Variants in CRB1 observed in about 807,000 individuals in gnomAD.
The protein encoded by CRB1 is protein crumbs homolog 1.
Under a neutral mutation model 120.0 loss-of-function variants are expected in CRB1, and 83 were observed. The ratio of observed to expected loss-of-function variants is 0.69; its 90% CI spans 0.58 to 0.83. The LOEUF (loss-of-function observed/expected upper bound fraction) is 0.83, where lower values mean the gene tolerates loss of function less well. Ranked by LOEUF, CRB1 falls within the 40% of genes least tolerant of loss-of-function variation. The probability of loss-of-function intolerance (pLI) is 0.00; values close to 1 mark genes in which losing one functional copy is unlikely to be tolerated. For synonymous variants in CRB1, 625 were observed against 612.5 expected (o/e 1.02, Z -0.30); for missense variants, 1,699 against 1,687.6 (o/e 1.01, Z -0.12).
chr1:197,329,626 C>T (rs764048259), intron 2 of CRB1, among the ~76,000 whole-genome samples: 1 of 152,164 alleles, frequency 6.6e-6, no homozygotes, highest in Non-Finnish European at 1.5e-5. Context: ...CTCATCATTA[C>T]CAAGTTACAT....
the CRB1 span, among the ~76,000 whole-genome samples, chr1:197,206,189 A>G: frequency 6.6e-6 from 1 of 151,954 alleles, no homozygotes; most frequent in East Asian, 1.9e-4. Context: ...AATTTTATTC[A>G]TCTTTTCAAA....
chr1:197,291,143 C>T (rs370864417), intron 1 of CRB1, among the ~76,000 whole-genome samples: 2 of 151,766 alleles, frequency 1.3e-5, no homozygotes, highest in South Asian at 2.1e-4. Context: ...CATTTTAAAA[C>T]TTAATTAGTA....
intron 1 of CRB1, among the ~76,000 whole-genome samples, chr1:197,317,580 A>G (rs1657929552): frequency 6.6e-6 from 1 of 152,194 alleles, no homozygotes; most frequent in Non-Finnish European, 1.5e-5. Context: ...ACATCACATG[A>G]CCTGACTTCA....
the CRB1 span, among the ~76,000 whole-genome samples, chr1:197,261,141 A>T: frequency 6.6e-6 from 1 of 152,226 alleles, no homozygotes; most frequent in African/African-American, 2.4e-5. Context: ...GTTTTTTGTA[A>T]TTAATTTTTA....
chr1:197,220,616 T>C, the CRB1 span, among the ~76,000 whole-genome samples: 1 of 152,196 alleles, frequency 6.6e-6, no homozygotes, highest in Non-Finnish European at 1.5e-5. Context: ...TTTGGCAAAG[T>C]GGTAACACAG....
chr1:197,477,620 C>G, intron 11 of CRB1, 44 bp from the exon 12 acceptor site: 1 of 1,568,734 alleles, frequency 6.4e-7, no homozygotes, highest in Non-Finnish European at 8.8e-7. Flanking sequence ...TATTTATTTG[C>G]CTTTGCTATA....
At chr1:197,371,441 A>G (rs989981074) in intron 5 of CRB1, among the ~76,000 whole-genome samples, 3 of 152,044 alleles carry the variant, frequency 2.0e-5, no homozygotes, top group Admixed American at 1.3e-4. Flanking sequence ...TAAATCTTCT[A>G]TTTCTTCAAA....
the CRB1 span, among the ~76,000 whole-genome samples, chr1:197,239,635 T>C: frequency 6.6e-6 from 1 of 151,906 alleles, no homozygotes; most frequent in African/African-American, 2.4e-5. Flanking sequence ...AAATCTACTT[T>C]GTAAATCTGT....
chr1:197,207,301 T>C, the CRB1 span, among the ~76,000 whole-genome samples: 1 of 152,144 alleles, frequency 6.6e-6, no homozygotes, highest in Admixed American at 6.5e-5. Flanking sequence ...ATTGGGTTTT[T>C]ATTTTATAGG....
At position 197,316,870 on chromosome 1, in the gene CRB1, T is replaced by C. The variant is rs569699900; in HGVS notation, c.71-11552T>C. Among the ~76,000 whole-genome samples the C allele has an allele frequency of 6.3e-5, 9 of 143,512 alleles. 1 individual carries two copies. In the East Asian group the frequency reaches 1.8e-3, roughly 29 times the overall value. 94.1% of individuals were successfully genotyped at this position (143,512 alleles called of 152,430 possible). ...TTCTATACACCAATAGTGAATTGTC[T>C]GAAAAGAAAGCAAGAAAGCAATTTC... On this transcript the variant is annotated intron_variant, in intron 1 of 11. Coordinates refer to ENST00000367400, the MANE Select transcript of CRB1 (RefSeq NM_201253.3).
chr1:197,453,919 GATATTATT>G (rs1174547020), intron 11 of CRB1, among the ~76,000 whole-genome samples: 1 of 24,612 alleles, frequency 4.1e-5, no homozygotes, highest in Non-Finnish European at 8.4e-5. Flanking sequence ...ATATATTATT[GATATTATT>G]ATATTATTAA....
intron 5 of CRB1, among the ~76,000 whole-genome samples, chr1:197,398,790 G>C (rs2125428024): frequency 6.6e-6 from 1 of 151,852 alleles, no homozygotes; most frequent in Non-Finnish European, 1.5e-5. Flanking sequence ...AGGAGTAGAG[G>C]CACTATATAT....
rs150670167 is a variant in CRB1 at position 197,450,488 on chromosome 1, G to A, written c.4005+8196G>A. ...ATATGAATGATCCTGTCACCAGGTA[G>A]TGAGCATAGTAACCCAACAGTTAGT... On this transcript the variant is annotated intron_variant, in intron 11 of 11. Coordinates refer to ENST00000367400, the MANE Select transcript of CRB1 (RefSeq NM_201253.3). 7.1e-3 allele frequency among the ~76,000 whole-genome samples: 1,086 copies of A among 152,248 alleles called. 14 individuals carry two copies. The highest frequency in any genetic ancestry group is 0.025 in the African/African-American group (1,021 of 41,524).
At chr1:197,357,085 G>A (rs763729986) in intron 5 of CRB1, 72 bp downstream of exon 5, 20 of 1,471,262 alleles carry the variant, frequency 1.4e-5, no homozygotes, top group Non-Finnish European at 1.8e-5. Context: ...TAACCAAATG[G>A]TGTATTAGCA....
the CRB1 span, among the ~76,000 whole-genome samples, chr1:197,218,415 A>G: frequency 3.9e-5 from 6 of 152,332 alleles, no homozygotes; most frequent in South Asian, 2.1e-4. Flanking sequence ...ATTCTCATAT[A>G]TGAGTATGGA....
intron 5 of CRB1, among the ~76,000 whole-genome samples, chr1:197,391,815 A>C (rs1478296864): frequency 1.3e-5 from 2 of 152,088 alleles, no homozygotes; most frequent in African/African-American, 4.8e-5. Flanking sequence ...AAAAAATATT[A>C]AGAAGGAAGC....
intron 1 of CRB1, among the ~76,000 whole-genome samples, chr1:197,301,315 G>T (rs1190116549): frequency 1.3e-5 from 2 of 152,004 alleles, no homozygotes; most frequent in African/African-American, 4.8e-5. Context: ...ACAGGCATGT[G>T]CCACCATACC....
intron 5 of CRB1, among the ~76,000 whole-genome samples, chr1:197,371,031 A>G (rs1661343154): frequency 6.6e-6 from 1 of 152,146 alleles, no homozygotes; most frequent in African/African-American, 2.4e-5. Flanking sequence ...CTGTTTTATG[A>G]CCAGAACCTC....
chr1:197,212,281 G>T, the CRB1 span, among the ~76,000 whole-genome samples: 1 of 151,986 alleles, frequency 6.6e-6, no homozygotes, highest in African/African-American at 2.4e-5. Context: ...TTATCCAAGA[G>T]AAATAAAAGT....
Sources: gnomAD v4.1 joint callset for allele counts (sites outside exome capture counted in the v4.1 genomes callset) on GRCh38, gnomAD v4.1.1 for gene constraint, MANE v1.5 for transcripts, NCBI Gene and HGNC (gene_info 2026-07-23, HGNC 2026-07-21) for gene names.